NKAIN2: variants seen among roughly 807,000 people sequenced by gnomAD.
The protein encoded by NKAIN2 is sodium/potassium transporting ATPase interacting 2.
A neutral mutation model predicts 32.6 loss-of-function variants in NKAIN2; 14 were observed. The ratio of observed to expected loss-of-function variants is 0.43; its 90% CI spans 0.28 to 0.67. The LOEUF (loss-of-function observed/expected upper bound fraction) is 0.67. NKAIN2 is among the 30% of genes least tolerant of loss of function. The pLI is 0.17. For synonymous variants in NKAIN2, 80 were observed against 87.2 expected (o/e 0.92, Z 0.46); for missense variants, 198 against 258.3 (o/e 0.77, Z 1.60).
At position 124,342,570 on chromosome 6, in the gene NKAIN2, T is replaced by A. The variant is rs117248570; in HGVS notation, c.193-12697T>A. On this transcript the variant is annotated intron_variant, in intron 2 of 6. Transcript: ENST00000368417. ...TCACCCAGGCTGAAGCACAGTGGGA[T>A]GATCTTGGCTCACTGCAACCTCCAA... is the stretch of plus-strand genomic sequence containing the variant. Among the ~76,000 whole-genome samples the A allele has an allele frequency of 2.9e-3, 440 of 152,060 alleles. 24 individuals are homozygous for A. In the East Asian group the frequency reaches 0.077, roughly 27 times the overall value.
At chr6:124,028,709 ATATATACGTG>A (rs141866153) in intron 1 of NKAIN2, among the ~76,000 whole-genome samples, 4,369 of 149,908 alleles carry the variant, frequency 0.029, 213 homozygotes, top group African/African-American at 0.1. Flanking sequence ...ATACACGTGT[ATATATACGTG>A]TATATACGTG....
intron 1 of NKAIN2, among the ~76,000 whole-genome samples, chr6:124,098,618 C>T (rs770331970): frequency 6.6e-6 from 1 of 152,040 alleles, no homozygotes; most frequent in African/African-American, 2.4e-5. Flanking sequence ...CACCTGTAAT[C>T]CCAGCACTTT....
At chr6:124,242,462 C>T (rs1326279351) in intron 1 of NKAIN2, among the ~76,000 whole-genome samples, 1 of 152,090 alleles carries the variant, frequency 6.6e-6, no homozygotes, top group African/African-American at 2.4e-5. Context: ...TAAATTAGTT[C>T]AACCATTGTG....
intron 3 of NKAIN2, among the ~76,000 whole-genome samples, chr6:124,568,432 A>G (rs959856417): frequency 1.3e-5 from 2 of 152,280 alleles, no homozygotes; most frequent in East Asian, 3.9e-4. Context: ...TACATATATC[A>G]TATTTTTCAA....
chr6:124,196,137 A>C (rs1790302952), intron 1 of NKAIN2, among the ~76,000 whole-genome samples: 1 of 152,126 alleles, frequency 6.6e-6, no homozygotes, highest in Admixed American at 6.5e-5. Flanking sequence ...TAATATTTTC[A>C]TATATTTTTT....
chr6:124,431,011 G>A (rs1342341754), intron 3 of NKAIN2, among the ~76,000 whole-genome samples: 1 of 152,100 alleles, frequency 6.6e-6, no homozygotes, highest in Non-Finnish European at 1.5e-5. Context: ...ACATGTAAAT[G>A]GAACTTTATT....
chr6:124,512,854 G>A (rs929256778), intron 3 of NKAIN2, among the ~76,000 whole-genome samples: 6 of 152,094 alleles, frequency 3.9e-5, no homozygotes, highest in African/African-American at 9.7e-5. Flanking sequence ...TAGGAGGGAC[G>A]GTTAGTTAGA....
intron 3 of NKAIN2, among the ~76,000 whole-genome samples, chr6:124,419,714 C>G (rs560328559): frequency 6.6e-6 from 1 of 152,244 alleles, no homozygotes; most frequent in South Asian, 2.1e-4. Context: ...TCTACATTCC[C>G]TCTTTGTTCC....
intron 3 of NKAIN2, among the ~76,000 whole-genome samples, chr6:124,424,879 A>G (rs1774915852): frequency 6.6e-6 from 1 of 152,200 alleles, no homozygotes. Flanking sequence ...GAGGATACAG[A>G]TAACTCTTCA....
chr6:124,368,879 C>T (rs1296956481), intron 3 of NKAIN2, among the ~76,000 whole-genome samples: 2 of 152,154 alleles, frequency 1.3e-5, no homozygotes, highest in Admixed American at 6.6e-5. Flanking sequence ...TTTATTCTCT[C>T]ATAGATCAAA....
intron 4 of NKAIN2, among the ~76,000 whole-genome samples, chr6:124,766,646 T>C (rs1425211434): frequency 6.6e-6 from 1 of 152,202 alleles, no homozygotes; most frequent in Non-Finnish European, 1.5e-5. Flanking sequence ...AGATAGTCAC[T>C]GTTTGCTTGC....
Position 124,219,594 on chromosome 6 carries a change from G to A in NKAIN2, c.55-63411G>A, listed in dbSNP as rs576677903. On this transcript the variant is annotated intron_variant, in intron 1 of 6. Coordinates refer to ENST00000368417, the MANE Select transcript of NKAIN2 (RefSeq NM_001040214.3). ...CGCCCGGCCAACACTTATTGAATACGAGTTACGATTCAAGAATCTGTTAAG... is the reference window on the plus strand; with the variant it reads ...CGCCCGGCCAACACTTATTGAATACAAGTTACGATTCAAGAATCTGTTAAG... 3.7e-4 allele frequency among the ~76,000 whole-genome samples: 57 copies of A among 152,088 alleles called. 2 individuals carry two copies. In the South Asian group the frequency reaches 7.9e-3, roughly 21 times the overall value.
intron 1 of NKAIN2, among the ~76,000 whole-genome samples, chr6:124,084,897 GA>G (rs2114915258): frequency 6.6e-6 from 1 of 152,050 alleles, no homozygotes; most frequent in Admixed American, 6.6e-5. Context: ...ATCTTGCTGA[GA>G]AACCCAAAGA....
At chr6:124,638,799 G>C (rs1164939069) in intron 3 of NKAIN2, among the ~76,000 whole-genome samples, 1 of 146,030 alleles carries the variant, frequency 6.8e-6, no homozygotes, top group African/African-American at 2.6e-5. Flanking sequence ...GCTGGGGCAG[G>C]AGAATCACTT....
At chr6:124,042,797 C>T (rs764158350) in intron 1 of NKAIN2, among the ~76,000 whole-genome samples, 10 of 151,958 alleles carry the variant, frequency 6.6e-5, no homozygotes, top group East Asian at 1.9e-4. Flanking sequence ...AAAAGTGAAC[C>T]GAAACACCTA....
intron 5 of NKAIN2, among the ~76,000 whole-genome samples, chr6:124,815,109 A>C (rs1438918882): frequency 6.6e-6 from 1 of 151,406 alleles, no homozygotes; most frequent in African/African-American, 2.4e-5. Flanking sequence ...AACTCGGTAA[A>C]TACCTCTTAG....
chr6:124,824,185 T>C lies in NKAIN2; in HGVS notation c.*956T>C, dbSNP rs948479323. The C allele has an allele frequency of 6.6e-6, 1 of 152,638 alleles. No homozygotes were observed. The highest frequency in any genetic ancestry group is 1.9e-4 in the East Asian group (1 of 5,200). 9.5% of individuals were successfully genotyped at this position (152,638 alleles called of 1,614,324 possible). A position where few individuals can be genotyped will look rare whatever the true frequency, so the allele number is the denominator to read the frequency against. ...TTTATTTATTGCACTCTAGGTGCTTTTATAAGTATCTACAATTGTCTTTTA... is the reference window on the plus strand; with the variant it reads ...TTTATTTATTGCACTCTAGGTGCTTCTATAAGTATCTACAATTGTCTTTTA... On this transcript the variant is annotated 3_prime_UTR_variant, in exon 7 of 7. Coordinates refer to ENST00000368417, the MANE Select transcript of NKAIN2 (RefSeq NM_001040214.3).
chr6:124,569,192 T>A (rs1322656251), intron 3 of NKAIN2, among the ~76,000 whole-genome samples: 1 of 152,206 alleles, frequency 6.6e-6, no homozygotes, highest in Non-Finnish European at 1.5e-5. Flanking sequence ...TGGCCTTCTT[T>A]CCTGCTTTCT....
intron 3 of NKAIN2, among the ~76,000 whole-genome samples, chr6:124,592,341 G>A (rs1781942128): frequency 2.0e-5 from 3 of 152,136 alleles, no homozygotes; most frequent in African/African-American, 4.8e-5. Flanking sequence ...TATTACAAGC[G>A]AGAAGATATT....
Sources: allele counts gnomAD v4.1 joint callset (sites outside exome capture counted in the v4.1 genomes callset), GRCh38; gene constraint gnomAD v4.1.1; transcripts MANE v1.5; gene names NCBI Gene and HGNC (gene_info 2026-07-23, HGNC 2026-07-21).